The following B3GLCT variants were observed in gnomAD, a reference collection of about 807,000 sequenced individuals.
The protein encoded by B3GLCT is beta 3-glucosyltransferase.
In B3GLCT, 65 loss-of-function variants were observed where a neutral mutation model predicts 63.4. The observed-to-expected ratio is 1.03, with a 90% confidence interval of 0.84 to 1.26. The LOEUF is 1.26. Among genes scored for constraint, B3GLCT ranks in the 50% most tolerant of loss-of-function variants. The probability of loss-of-function intolerance (pLI) is 0.00; values close to 1 mark genes in which losing one functional copy is unlikely to be tolerated. For synonymous variants in B3GLCT, 233 were observed against 219.2 expected, an observed-to-expected ratio of 1.06 and a Z score of -0.55; for missense variants, 577 against 604.8, an observed-to-expected ratio of 0.95 and a Z score of 0.48.
At chr13:31,297,765 T>C (rs1176738550) in intron 12 of B3GLCT, among the ~76,000 whole-genome samples, 1 of 152,184 alleles carries the variant, frequency 6.6e-6, no homozygotes, top group Non-Finnish European at 1.5e-5. Context: ...ACGTCGGGGT[T>C]CTTACAACCT....
chr13:31,323,713 G>T, intron 13 of B3GLCT, 38 bp from the exon 14 acceptor site: 1 of 1,613,446 alleles, frequency 6.2e-7, no homozygotes, highest in Non-Finnish European at 8.5e-7. Context: ...TGTCTGTGGA[G>T]CTTCTCTAAC....
At chr13:31,267,875 C>T (rs1872405620) in intron 7 of B3GLCT, among the ~76,000 whole-genome samples, 1 of 147,880 alleles carries the variant, frequency 6.8e-6, no homozygotes, top group Admixed American at 6.8e-5. Flanking sequence ...CTTTTCGAGA[C>T]AGGGTCTCTG....
chr13:31,215,585 T>C (rs1869518889), intron 2 of B3GLCT, among the ~76,000 whole-genome samples: 1 of 152,140 alleles, frequency 6.6e-6, no homozygotes, highest in African/African-American at 2.4e-5. Flanking sequence ...GGCTAATTTT[T>C]GCGTTTTTAG....
intron 2 of B3GLCT, among the ~76,000 whole-genome samples, chr13:31,219,756 C>G (rs887613103): frequency 2.6e-5 from 4 of 152,208 alleles, no homozygotes; most frequent in African/African-American, 9.6e-5. Flanking sequence ...AAGACAAGAA[C>G]AATTCCTATA....
Position 31,286,728 on chromosome 13 carries a change from G to GGAAA in B3GLCT, c.976_979dup (p.Thr327LysfsTer13), listed in dbSNP as rs889567075. ...TTTCTTGCCTTTTCTAGGTCATTGT[G>GGAAA]GAAAGACATTTGCCATTTTGGAAAG... On this transcript the variant is annotated frameshift_variant, in exon 12 of 15. Coordinates refer to ENST00000343307, the MANE Select transcript of B3GLCT (RefSeq NM_194318.4). LOFTEE classifies it high-confidence loss of function. 1 of 1,609,776 alleles carries GGAAA rather than the reference G, an allele frequency of 6.2e-7. No homozygotes were observed. Among genetic ancestry groups the GGAAA allele is most frequent in the African/African-American group, 1.3e-5 (1 of 74,888 alleles).
chr13:31,207,738 G>T (rs180918598), intron 1 of B3GLCT, among the ~76,000 whole-genome samples: 1 of 152,144 alleles, frequency 6.6e-6, no homozygotes, highest in Non-Finnish European at 1.5e-5. Flanking sequence ...TATCTGAGTC[G>T]ATAGTAGGCT....
intron 7 of B3GLCT, among the ~76,000 whole-genome samples, chr13:31,264,869 C>T (rs887222851): frequency 3.9e-5 from 6 of 152,202 alleles, no homozygotes; most frequent in Non-Finnish European, 4.4e-5. Context: ...GCAACTCAAA[C>T]TGGATTAAGG....
chr13:31,297,022 C>CT (rs1177584099), intron 12 of B3GLCT, among the ~76,000 whole-genome samples: 2 of 142,784 alleles, frequency 1.4e-5, no homozygotes, highest in African/African-American at 2.6e-5. Context: ...TCATACAGTA[C>CT]TTGTTTTTTT....
intron 12 of B3GLCT, among the ~76,000 whole-genome samples, chr13:31,289,744 A>G (rs1873550359): frequency 1.3e-5 from 2 of 152,250 alleles, no homozygotes; most frequent in African/African-American, 4.8e-5. Context: ...GGTAGGGACA[A>G]AGCCTCACAT....
chr13:31,297,198 C>T (rs1311091731), intron 12 of B3GLCT, among the ~76,000 whole-genome samples: 1 of 152,064 alleles, frequency 6.6e-6, no homozygotes, highest in Non-Finnish European at 1.5e-5. Flanking sequence ...GACACTCCAT[C>T]AACATGGGGT....
intron 12 of B3GLCT, among the ~76,000 whole-genome samples, chr13:31,310,725 T>C (rs1874662168): frequency 2.0e-5 from 3 of 152,228 alleles, no homozygotes; most frequent in Non-Finnish European, 4.4e-5. Flanking sequence ...CAAGCTGTGA[T>C]GCTTCCTGGG....
chr13:31,202,952 A>G (rs186242569), intron 1 of B3GLCT, among the ~76,000 whole-genome samples: 95 of 152,372 alleles, frequency 6.2e-4, no homozygotes, highest in South Asian at 2.1e-3. Flanking sequence ...GCATGAGATT[A>G]TATGCAGCCA....
At chr13:31,296,278 C>CTGTTT (rs946093259) in intron 12 of B3GLCT, among the ~76,000 whole-genome samples, 34 of 152,336 alleles carry the variant, frequency 2.2e-4, no homozygotes, top group Middle Eastern at 3.4e-3. Flanking sequence ...CAGCCATCTC[C>CTGTTT]TGTTTTGTTT....
intron 12 of B3GLCT, among the ~76,000 whole-genome samples, chr13:31,295,949 C>T (rs1439438924): frequency 6.6e-6 from 1 of 152,132 alleles, no homozygotes; most frequent in Non-Finnish European, 1.5e-5. Context: ...GGTATAGGTA[C>T]CTGAGGGAAT....
intron 13 of B3GLCT, among the ~76,000 whole-genome samples, chr13:31,318,434 C>A (rs750621384): frequency 6.6e-6 from 1 of 152,172 alleles, no homozygotes; most frequent in Non-Finnish European, 1.5e-5. Flanking sequence ...TGGAACAATT[C>A]CTACAGGAAC....
rs536669789 is a variant in B3GLCT at position 31,222,164 on chromosome 13, C to T, written c.121-788C>T. Reference sequence around the variant, plus strand: ...CACGATCTCAGCTCACTGCAACCTCCGCCTCCTGGGTTCAAGCGATTGTCC... The same window carrying T: ...CACGATCTCAGCTCACTGCAACCTCTGCCTCCTGGGTTCAAGCGATTGTCC... On this transcript the variant is annotated intron_variant, in intron 2 of 14. Transcript: ENST00000343307. Among the ~76,000 whole-genome samples the T allele has an allele frequency of 7.7e-4, 116 of 151,384 alleles. 1 individual carries two copies. Among genetic ancestry groups the T allele is most frequent in the South Asian group, 6.7e-3 (32 of 4,762 alleles).
intron 12 of B3GLCT, among the ~76,000 whole-genome samples, chr13:31,316,407 T>TTTTTTATATATA (rs1239451482): frequency 2.4e-5 from 1 of 40,866 alleles, no homozygotes; most frequent in Non-Finnish European, 5.4e-5. Context: ...TTTGGAGGTT[T>TTTTTTATATATA]TATATATATA....
At chr13:31,220,675 A>G (rs1438908914) in intron 2 of B3GLCT, among the ~76,000 whole-genome samples, 1 of 152,202 alleles carries the variant, frequency 6.6e-6, no homozygotes, top group African/African-American at 2.4e-5. Flanking sequence ...TGTTTCTTGC[A>G]TATTTGATTT....
In B3GLCT at chr13:31,323,796, A is replaced by G. The variant is rs764070215; in HGVS notation, c.1230A>G (p.Lys410=). The change falls in exon 14 of 15, where the codon AAA becomes AAG. Residue 410 remains lysine, a synonymous_variant. Transcript: ENST00000343307. The part of the protein sequence containing the change: ...REAVRRLLAS[K]CRCYSNDAPD... ...CCGTCAGGAGACTTCTCGCCAGTAA[A>G]TGTCGATGCTACAGCAATGATGCTC... The G allele has an allele frequency of 8.6e-5, 139 of 1,614,016 alleles. 4 individuals are homozygous for G. In the South Asian group the frequency reaches 1.5e-3, roughly 17 times the overall value.
Sources: allele counts gnomAD v4.1 joint callset (sites outside exome capture counted in the v4.1 genomes callset), GRCh38; gene constraint gnomAD v4.1.1; transcripts MANE v1.5; gene names NCBI Gene and HGNC (gene_info 2026-07-23, HGNC 2026-07-21).